Variants in GRIK2 observed in about 807,000 individuals in gnomAD.
GRIK2 encodes the protein glutamate receptor ionotropic, kainate 2.
In GRIK2, 32 loss-of-function variants were observed where a neutral mutation model predicts 100.3. That is an observed-to-expected ratio of 0.32 (90% CI 0.24 to 0.43). GRIK2 has a LOEUF of 0.43. Ranked by LOEUF, GRIK2 falls within the 20% of genes least tolerant of loss-of-function variation. GRIK2 has a pLI of 1.00. For synonymous variants in GRIK2, 417 were observed against 389.4 expected, an observed-to-expected ratio of 1.07 and a Z score of -0.83; for missense variants, 843 against 1,114.9, an observed-to-expected ratio of 0.76 and a Z score of 3.47.
chr6:101,498,203 T>A (rs1306009067), intron 2 of GRIK2, among the ~76,000 whole-genome samples: 1 of 151,022 alleles, frequency 6.6e-6, no homozygotes, highest in South Asian at 2.1e-4. Context: ...GAACTCATCA[T>A]TTTTTATGGC....
intron 15 of GRIK2, among the ~76,000 whole-genome samples, chr6:102,044,665 G>A (rs1770784145): frequency 6.6e-6 from 1 of 151,988 alleles, no homozygotes; most frequent in South Asian, 2.1e-4. Context: ...GGAATTATGG[G>A]AGAACAATTC....
chr6:101,927,341 G>T, intron 13 of GRIK2: 1 of 724,992 alleles, frequency 1.4e-6, no homozygotes, highest in Non-Finnish European at 1.7e-6. Context: ...ATGACTGTAA[G>T]TCCGTCTTTG....
chr6:101,583,636 T>C (rs998174495), intron 2 of GRIK2, among the ~76,000 whole-genome samples: 1 of 152,130 alleles, frequency 6.6e-6, no homozygotes, highest in Non-Finnish European at 1.5e-5. Context: ...GATTTTTTTG[T>C]TGGATGATTA....
At chr6:101,882,883 G>A (rs2895459) in intron 11 of GRIK2, among the ~76,000 whole-genome samples, 117,594 of 151,892 alleles carry the variant, frequency 0.77, 45,871 homozygotes, top group East Asian at 0.92. Context: ...AACCATATGC[G>A]GTAACTTGTT....
At chr6:101,924,533 A>G in intron 12 of GRIK2, 68 bp from the exon 13 acceptor site, 1 of 835,008 alleles carries the variant, frequency 1.2e-6, no homozygotes, top group Non-Finnish European at 2.0e-6. Flanking sequence ...TTTTGCAGCA[A>G]AAAATGCTGG....
chr6:101,809,532 A>T (rs981282621), intron 9 of GRIK2, among the ~76,000 whole-genome samples: 2 of 151,958 alleles, frequency 1.3e-5, no homozygotes, highest in African/African-American at 4.8e-5. Context: ...CTAGAACCGG[A>T]TGCACGGCAG....
intron 7 of GRIK2, among the ~76,000 whole-genome samples, chr6:101,699,328 A>G (rs552251042): frequency 1.3e-5 from 2 of 151,842 alleles, no homozygotes; most frequent in African/African-American, 4.8e-5. Context: ...GCTCAAATTT[A>G]CTCTCAAATT....
rs751323916 is a variant in GRIK2 at position 101,709,445 on chromosome 6, CTCTG to C, written c.951+23096_951+23099del. The stretch of plus-strand genomic sequence containing the variant: ...ATTGAGCATTCTCACTACTTTATTA[CTCTG>C]TCTATTAGAAAAGTAAAATTACAAA... On this transcript the variant is annotated intron_variant, in intron 7 of 16. Transcript: ENST00000369134. Among the ~76,000 whole-genome samples, 13 of 151,918 alleles carry C rather than the reference CTCTG, an allele frequency of 8.6e-5. No individual in the cohort carries two copies. The South Asian group carries it at 2.3e-3, about 27-fold the overall frequency.
At chr6:101,580,458 C>G (rs937565007) in intron 2 of GRIK2, among the ~76,000 whole-genome samples, 7 of 152,182 alleles carry the variant, frequency 4.6e-5, no homozygotes, top group African/African-American at 1.7e-4. Context: ...TTTTCACCAC[C>G]TCTTCCACTA....
At chr6:101,760,177 AT>A (rs1777418446) in intron 7 of GRIK2, among the ~76,000 whole-genome samples, 1 of 148,818 alleles carries the variant, frequency 6.7e-6, no homozygotes, top group South Asian at 2.1e-4. Flanking sequence ...CCAGCATTTT[AT>A]TTTTTAAACA....
At chr6:101,758,922 T>G (rs1272277797) in intron 7 of GRIK2, among the ~76,000 whole-genome samples, 2 of 152,084 alleles carry the variant, frequency 1.3e-5, no homozygotes, top group Admixed American at 1.3e-4. Flanking sequence ...TTCAAAAGAG[T>G]AAAACTATAC....
rs140229745 is a variant in GRIK2 at position 101,525,013 on chromosome 6, GTGAGCCACCACAC to G, written c.116-96929_116-96917del. On this transcript the variant is annotated intron_variant, in intron 2 of 16. Transcript: ENST00000369134. ...CTCCCAAAGTGCTGAGATTACAGGT[GTGAGCCACCACAC>G]TGAGCCCCCACTTGCGTGTTCTTGA... 5.6e-3 allele frequency among the ~76,000 whole-genome samples: 858 copies of G among 152,228 alleles called. 7 individuals carry two copies. The highest frequency in any genetic ancestry group is 0.02 in the African/African-American group (820 of 41,540).
intron 2 of GRIK2, among the ~76,000 whole-genome samples, chr6:101,545,110 A>G: frequency 6.6e-6 from 1 of 152,134 alleles, no homozygotes; most frequent in African/African-American, 2.4e-5. Flanking sequence ...ACATTTAAGG[A>G]CACCTCCTCA....
chr6:101,763,044 C>G (rs1470029257), intron 7 of GRIK2, among the ~76,000 whole-genome samples: 1 of 152,098 alleles, frequency 6.6e-6, no homozygotes, highest in Admixed American at 6.6e-5. Context: ...AGTGCCAGGA[C>G]AAATCATGCT....
intron 2 of GRIK2, among the ~76,000 whole-genome samples, chr6:101,592,353 C>G (rs1047313443): frequency 6.6e-6 from 1 of 151,080 alleles, no homozygotes; most frequent in African/African-American, 2.4e-5. Context: ...CTGTGATGAC[C>G]CCTTCACAGT....
At chr6:101,598,592 TAAAA>T (rs75603851) in intron 2 of GRIK2, among the ~76,000 whole-genome samples, 45 of 82,394 alleles carry the variant, frequency 5.5e-4, no homozygotes, top group African/African-American at 2.2e-3. Flanking sequence ...TCTTCCTTAA[TAAAA>T]AAAAAAAAAA....
At chr6:101,603,284 TA>T (rs1364099542) in intron 2 of GRIK2, among the ~76,000 whole-genome samples, 1 of 151,724 alleles carries the variant, frequency 6.6e-6, no homozygotes, top group Non-Finnish European at 1.5e-5. Flanking sequence ...TTAATTTACC[TA>T]ACTTAATCAC....
chr6:102,035,374 G>T lies in GRIK2; in HGVS notation c.2119G>T (p.Ala707Ser). The T allele has an allele frequency of 6.2e-7, 1 of 1,606,270 alleles. No homozygotes were observed. Among genetic ancestry groups the T allele is most frequent in the Non-Finnish European group, 8.5e-7 (1 of 1,174,302 alleles). ...SKISTYDKMW[A>S]FMSSRRQSVL... ...AATCTCCACGTATGACAAAATGTGG[G>T]CCTTTATGAGTAGCAGAAGGCAGTC... The change falls in exon 15 of 17, where the codon GCC becomes TCC. Residue 707 changes from alanine to serine, a missense_variant. Coordinates refer to ENST00000369134, the MANE Select transcript of GRIK2 (RefSeq NM_021956.5).
At chr6:101,478,012 G>A (rs1176284769) in intron 2 of GRIK2, among the ~76,000 whole-genome samples, 1 of 152,154 alleles carries the variant, frequency 6.6e-6, no homozygotes, top group East Asian at 1.9e-4. Context: ...AGTTTAGATG[G>A]CTCAGTGAGT....
Sources: gnomAD v4.1 joint callset for allele counts (sites outside exome capture counted in the v4.1 genomes callset) on GRCh38, gnomAD v4.1.1 for gene constraint, MANE v1.5 for transcripts, NCBI Gene and HGNC (gene_info 2026-07-23, HGNC 2026-07-21) for gene names.